Variants in GFRAL observed in about 807,000 individuals in gnomAD.
The protein encoded by GFRAL is GDNF family receptor alpha-like.
In GFRAL, 36 loss-of-function variants were observed where a neutral mutation model predicts 45.4. The ratio of observed to expected loss-of-function variants is 0.79; its 90% CI spans 0.61 to 1.05. The LOEUF (loss-of-function observed/expected upper bound fraction) is 1.05. Among genes scored for constraint, GFRAL ranks in the 50% least tolerant of loss-of-function variants. The pLI, the probability that GFRAL is intolerant of heterozygous loss-of-function variation, is 0.00. For missense variants in GFRAL, 507 were observed against 467.5 expected, an observed-to-expected ratio of 1.08 and a Z score of -0.78; for synonymous variants, 166 against 154.1, an observed-to-expected ratio of 1.08 and a Z score of -0.57.
intron 6 of GFRAL, among the ~76,000 whole-genome samples, chr6:55,378,036 CT>C (rs1562061575): frequency 1.3e-5 from 2 of 151,984 alleles, no homozygotes. Flanking sequence ...ATCATTTGAC[CT>C]TTGGATCCTG....
intron 3 of GFRAL, 77 bp from the exon 4 acceptor site, chr6:55,350,015 A>G: frequency 1.2e-6 from 1 of 840,044 alleles, no homozygotes; most frequent in Non-Finnish European, 2.0e-6. Context: ...TTACTCATTT[A>G]TAAATGTGGC....
chr6:55,348,414 CAT>C (rs1219234029), intron 3 of GFRAL, among the ~76,000 whole-genome samples: 3 of 152,076 alleles, frequency 2.0e-5, no homozygotes, highest in African/African-American at 7.2e-5. Flanking sequence ...AACAAGTACT[CAT>C]ATAGTAAGTA....
intron 3 of GFRAL, among the ~76,000 whole-genome samples, chr6:55,342,163 A>C (rs939175722): frequency 3.9e-5 from 6 of 152,206 alleles, no homozygotes; most frequent in Admixed American, 1.3e-4. Context: ...AAATTCAGGA[A>C]ATACAGAGAA....
At chr6:55,397,284 C>A (rs576828903) in intron 6 of GFRAL, among the ~76,000 whole-genome samples, 1 of 150,320 alleles carries the variant, frequency 6.7e-6, no homozygotes, top group Non-Finnish European at 1.5e-5. Context: ...TTTGGGAGGC[C>A]GAGGCGGGTG....
chr6:55,356,382 C>A (rs1032766473), intron 5 of GFRAL, among the ~76,000 whole-genome samples: 15 of 151,886 alleles, frequency 9.9e-5, no homozygotes, highest in Non-Finnish European at 2.2e-4. Flanking sequence ...GCTTCGATCT[C>A]ATTACTTGTT....
At chr6:55,354,720 C>A (rs931118048) in intron 5 of GFRAL, among the ~76,000 whole-genome samples, 3 of 152,008 alleles carry the variant, frequency 2.0e-5, no homozygotes, top group Non-Finnish European at 2.9e-5. Flanking sequence ...AAAACCACTT[C>A]TTCAATGAGA....
intron 6 of GFRAL, among the ~76,000 whole-genome samples, chr6:55,395,736 T>A (rs1181434266): frequency 6.6e-6 from 1 of 151,268 alleles, no homozygotes; most frequent in African/African-American, 2.4e-5. Flanking sequence ...ATAAGCAGAG[T>A]TTCAGTCCCC....
chr6:55,369,204 T>G (rs1278254380), intron 6 of GFRAL, among the ~76,000 whole-genome samples: 1 of 152,152 alleles, frequency 6.6e-6, no homozygotes, highest in Non-Finnish European at 1.5e-5. Flanking sequence ...GACCCGATTT[T>G]CCAGGTGCCG....
At chr6:55,351,051 A>G (rs1484336661) in intron 4 of GFRAL, among the ~76,000 whole-genome samples, 3 of 152,126 alleles carry the variant, frequency 2.0e-5, no homozygotes, top group Non-Finnish European at 4.4e-5. Flanking sequence ...TGTATCCTGT[A>G]TAGATGAAAG....
intron 6 of GFRAL, among the ~76,000 whole-genome samples, chr6:55,369,273 G>A (rs1407186461): frequency 1.3e-5 from 2 of 152,194 alleles, no homozygotes. Context: ...CGCTTCCCAA[G>A]TGAGGCAATG....
intron 1 of GFRAL, 81 bp from the exon 2 acceptor site, chr6:55,331,634 C>T: frequency 7.5e-7 from 1 of 1,326,434 alleles, no homozygotes; most frequent in Non-Finnish European, 1.0e-6. Flanking sequence ...TAATTCTGCT[C>T]TTTATCATTA....
intron 5 of GFRAL, among the ~76,000 whole-genome samples, chr6:55,355,926 A>G (rs528318147): frequency 6.6e-6 from 1 of 152,104 alleles, no homozygotes; most frequent in South Asian, 2.1e-4. Context: ...TGAGGCTTTT[A>G]TCATGAAGGA....
In GFRAL at chr6:55,379,042, T is replaced by C. The variant is rs549307895; in HGVS notation, c.952+19904T>C. On this transcript the variant is annotated intron_variant, in intron 6 of 8. Coordinates refer to ENST00000340465, the MANE Select transcript of GFRAL (RefSeq NM_207410.2). Reference sequence around the variant, plus strand: ...AGGTGTCTGTGTTGTAACTCTCCTATTAAGTTCTTGCCAGAGACTCCATAT... The same window carrying C: ...AGGTGTCTGTGTTGTAACTCTCCTACTAAGTTCTTGCCAGAGACTCCATAT... Among the ~76,000 whole-genome samples the C allele has an allele frequency of 5.3e-5, 8 of 152,198 alleles. No individual in the cohort carries two copies. In the East Asian group the frequency reaches 1.4e-3, roughly 26 times the overall value.
intron 3 of GFRAL, among the ~76,000 whole-genome samples, chr6:55,342,048 T>C (rs1441552756): frequency 6.6e-6 from 1 of 152,180 alleles, no homozygotes; most frequent in African/African-American, 2.4e-5. Flanking sequence ...CTACATCTGA[T>C]TGGTGTACCT....
chr6:55,369,778 G>A (rs1036153600), intron 6 of GFRAL, among the ~76,000 whole-genome samples: 1 of 152,058 alleles, frequency 6.6e-6, no homozygotes, highest in Non-Finnish European at 1.5e-5. Context: ...AAATAATATG[G>A]AACATCTTTT....
chr6:55,392,399 G>A (rs1768765194), intron 6 of GFRAL, among the ~76,000 whole-genome samples: 1 of 152,176 alleles, frequency 6.6e-6, no homozygotes, highest in Admixed American at 6.5e-5. Flanking sequence ...TCCAAATATG[G>A]TGCTTTTCAT....
At chr6:55,375,566 C>G (rs1268871725) in intron 6 of GFRAL, among the ~76,000 whole-genome samples, 1 of 152,090 alleles carries the variant, frequency 6.6e-6, no homozygotes, top group Admixed American at 6.6e-5. Flanking sequence ...GTATCATCTG[C>G]CAACACAGAT....
At chr6:55,395,171 A>ATATATATATAT (rs1327884681) in intron 6 of GFRAL, among the ~76,000 whole-genome samples, 1 of 90,826 alleles carries the variant, frequency 1.1e-5, no homozygotes, top group African/African-American at 5.6e-5. Context: ...GGAAAAAAAA[A>ATATATATATAT]AAAAATATAT....
At position 55,399,206 on chromosome 6, in the gene GFRAL, G is replaced by T; in HGVS notation, c.979G>T (p.Gly327Cys). The change falls in exon 7 of 9, where the codon GGC (glycine) becomes TGC (cysteine). Residue 327 changes from glycine to cysteine, a missense_variant. Coordinates refer to ENST00000340465, the MANE Select transcript of GFRAL (RefSeq NM_207410.2). ...TTATCCAACCCTGTCTAATGTCAAA[G>T]GCATGGCATTGTATACAAGAAAACA... ...FNYPTLSNVKGMALYTRKHAN... is the reference protein window; with the variant it reads ...FNYPTLSNVKCMALYTRKHAN... 1 of 1,598,122 alleles carries T rather than the reference G, an allele frequency of 6.3e-7. No individual in the cohort carries two copies. The highest frequency in any genetic ancestry group is 1.1e-5 in the South Asian group (1 of 88,804).
Sources: gnomAD v4.1 joint callset for allele counts (sites outside exome capture counted in the v4.1 genomes callset) on GRCh38, gnomAD v4.1.1 for gene constraint, MANE v1.5 for transcripts, NCBI Gene and HGNC (gene_info 2026-07-23, HGNC 2026-07-21) for gene names.